PISD: variants seen among roughly 807,000 people sequenced by gnomAD.
PISD encodes phosphatidylserine decarboxylase.
A neutral mutation model predicts 43.5 loss-of-function variants in PISD; 31 were observed. The ratio of observed to expected loss-of-function variants is 0.71; its 90% CI spans 0.54 to 0.96. The LOEUF (loss-of-function observed/expected upper bound fraction) is 0.96. Among genes scored for constraint, PISD ranks in the 40% least tolerant of loss-of-function variants. PISD has a pLI of 0.00. For synonymous variants in PISD, 259 were observed against 228.7 expected (o/e 1.13, Z -1.20); for missense variants, 523 against 548.4 (o/e 0.95, Z 0.46).
upstream of PISD, chr22:31,662,233 C>T: frequency 6.3e-7 from 1 of 1,599,272 alleles, no homozygotes; most frequent in Non-Finnish European, 8.5e-7. Context: ...CTCAGCGTGC[C>T]ACGCCCCCTT....
chr22:31,621,219 G>T (rs1276485849), intron 5 of PISD, 77 bp from the exon 6 acceptor site: 3 of 1,610,400 alleles, frequency 1.9e-6, no homozygotes, highest in Non-Finnish European at 2.5e-6. Flanking sequence ...GTCTGCACAT[G>T]GATTCTCAGG....
chr22:31,630,214 A>G lies in PISD; in HGVS notation c.322-8329T>C, dbSNP rs545842044. 5.6e-4 allele frequency among the ~76,000 whole-genome samples: 85 copies of G among 152,122 alleles called. No homozygotes were observed. Among genetic ancestry groups the G allele is most frequent in the Admixed American group, 2.1e-3 (32 of 15,282 alleles). ...AGGCCCTGGGAAGAGGGCAGGCAGG[A>G]CTCGCAGGGGTCTATCCTAGCCGCC... On this transcript the variant is annotated intron_variant, in intron 3 of 7. Coordinates refer to ENST00000439502, the MANE Select transcript of PISD (RefSeq NM_001326411.2). This position sits in a 1 kb window ranked among gnomAD's most constrained non-coding sequence, Gnocchi z 4.4.
At chr22:31,634,601 G>A (rs62237850) in intron 3 of PISD, among the ~76,000 whole-genome samples, 13,782 of 152,174 alleles carry the variant, frequency 0.091, 650 homozygotes, top group Non-Finnish European at 0.1. Flanking sequence ...ACTTTGGGAG[G>A]TCAAGGTGGG....
At chr22:31,658,775 C>T (rs2074245710) in intron 1 of PISD, among the ~76,000 whole-genome samples, 1 of 151,962 alleles carries the variant, frequency 6.6e-6, no homozygotes, top group African/African-American at 2.4e-5. Flanking sequence ...TCAAGCAATT[C>T]TCCTGCCTCA....
In PISD at chr22:31,619,351, G is replaced by A; in HGVS notation, c.*261C>T. 1 of 540,998 alleles carries A rather than the reference G, an allele frequency of 1.8e-6. No homozygotes were observed. The highest frequency in any genetic ancestry group is 3.4e-6 in the Non-Finnish European group (1 of 290,550). 33.5% of individuals were successfully genotyped at this position (540,998 alleles called of 1,614,324 possible). A position where few individuals can be genotyped will look rare whatever the true frequency, so the allele number is the denominator to read the frequency against. On this transcript the variant is annotated 3_prime_UTR_variant, in exon 8 of 8. Coordinates refer to ENST00000439502, the MANE Select transcript of PISD (RefSeq NM_001326411.2). The stretch of plus-strand genomic sequence containing the variant: ...ACAGTGTTTAAAAAGATCCAAATGT[G>A]ACTGAGATCATTCCAGCCTGCACTT...
intron 3 of PISD, among the ~76,000 whole-genome samples, chr22:31,637,799 C>T (rs533894610): frequency 5.9e-4 from 90 of 152,328 alleles, no homozygotes; most frequent in African/African-American, 2.0e-3. Flanking sequence ...TCCCCTCACC[C>T]GGCACTGGCT....
intron 3 of PISD, among the ~76,000 whole-genome samples, chr22:31,643,844 C>T (rs756274496): frequency 1.4e-4 from 21 of 152,074 alleles, no homozygotes; most frequent in Non-Finnish European, 2.5e-4. Flanking sequence ...GTCAGGAGAT[C>T]GAGACTATCC....
chr22:31,661,800 C>T (rs965826144), intron 1 of PISD, among the ~76,000 whole-genome samples: 1 of 152,158 alleles, frequency 6.6e-6, no homozygotes, highest in African/African-American at 2.4e-5. Context: ...GACATCATTC[C>T]TTCTACGAAA....
chr22:31,637,127 ATAATAAT>A lies in PISD; in HGVS notation c.321+10967_321+10973del, dbSNP rs1569486963. ...ACACGGCAAAACTCTACAAAAAAAA[ATAATAAT>A]AAATAAATTAAAAAAAAAAAAAAAA... On this transcript the variant is annotated intron_variant, in intron 3 of 7. Coordinates refer to ENST00000439502, the MANE Select transcript of PISD (RefSeq NM_001326411.2). 8.2e-4 allele frequency among the ~76,000 whole-genome samples: 91 copies of A among 110,704 alleles called. 1 individual carries two copies. The highest frequency in any genetic ancestry group is 2.9e-3 in the African/African-American group (84 of 28,736). The allele number at this position is 110,704 out of a possible 152,430, so 72.6% of individuals were successfully genotyped here. A position where few individuals can be genotyped will look rare whatever the true frequency, so the allele number is the denominator to read the frequency against.
rs1011938114 is a variant in PISD at position 31,630,227 on chromosome 22, T to A, written c.322-8342A>T. Among the ~76,000 whole-genome samples the A allele has an allele frequency of 1.3e-5, 2 of 152,002 alleles. No homozygotes were observed. The highest frequency in any genetic ancestry group is 4.8e-5 in the African/African-American group (2 of 41,392). On this transcript the variant is annotated intron_variant, in intron 3 of 7. Transcript: ENST00000439502. This position sits in a 1 kb window ranked among gnomAD's most constrained non-coding sequence, Gnocchi z 4.4. ...AGGGCAGGCAGGACTCGCAGGGGTC[T>A]ATCCTAGCCGCCCAAAGACAGGGAA...
rs1349403373 is a variant in PISD, at chr22:31,628,822, G to A, written c.322-6937C>T. On this transcript the variant is annotated intron_variant, in intron 3 of 7. Coordinates refer to ENST00000439502, the MANE Select transcript of PISD (RefSeq NM_001326411.2). The stretch of plus-strand genomic sequence containing the variant: ...CCCCACTTCCACCTAGGAGCGCGAC[G>A]CAGCCTCAGACCTGGCTTCCAACAC... 24 of 985,224 alleles carry A rather than the reference G, an allele frequency of 2.4e-5. No homozygotes were observed. In the Admixed American group the frequency reaches 2.5e-4, roughly 10 times the overall value. The allele number at this position is 985,224 out of a possible 1,614,324, so 61.0% of individuals were successfully genotyped here.
chr22:31,636,850 G>A (rs903242544), intron 3 of PISD, among the ~76,000 whole-genome samples: 3 of 150,886 alleles, frequency 2.0e-5, no homozygotes, highest in Middle Eastern at 6.8e-3. Context: ...CCTAATTTTT[G>A]TATTTTTAGT....
Position 31,630,852 on chromosome 22 carries a change from G to A in PISD, c.322-8967C>T, listed in dbSNP as rs966265094. 2.0e-6 allele frequency: 2 copies of A among 985,494 alleles called. No individual in the cohort carries two copies. The highest frequency in any genetic ancestry group is 2.4e-6 in the Non-Finnish European group (2 of 829,960). 61.0% of individuals were successfully genotyped at this position (985,494 alleles called of 1,614,324 possible). On this transcript the variant is annotated intron_variant, in intron 3 of 7. Coordinates refer to ENST00000439502, the MANE Select transcript of PISD (RefSeq NM_001326411.2). This position sits in a 1 kb window ranked among gnomAD's most constrained non-coding sequence, Gnocchi z 4.4. ...GCTCCGACTCCCTAGGGGCGCTCCC[G>A]GAGCCGGGAAGCCTTGGGGCGAGTG...
intron 3 of PISD, among the ~76,000 whole-genome samples, chr22:31,627,341 A>G (rs2072963700): frequency 6.6e-6 from 1 of 152,240 alleles, no homozygotes; most frequent in African/African-American, 2.4e-5. Flanking sequence ...GGAGATTGGC[A>G]CAGGCACAAG....
chr22:31,644,053 A>C (rs12168918), intron 3 of PISD, among the ~76,000 whole-genome samples: 19,636 of 151,348 alleles, frequency 0.13, 1,258 homozygotes, highest in South Asian at 0.2. Flanking sequence ...GTCTCAAAAA[A>C]AAAAACAAAA....
chr22:31,619,559 C>A lies in PISD; in HGVS notation c.*53G>T. 18 of 1,484,422 alleles carry A rather than the reference C, an allele frequency of 1.2e-5. No homozygotes were observed. The South Asian group carries it at 2.1e-4, about 17-fold the overall frequency. The allele number at this position is 1,484,422 out of a possible 1,614,324, so 92.0% of individuals were successfully genotyped here. ...CTCATGGGCCTCCCTCTTGAAAAGACCCTCACTCTGTTTGGAAAAGATCCC... is the reference window on the plus strand; with the variant it reads ...CTCATGGGCCTCCCTCTTGAAAAGAACCTCACTCTGTTTGGAAAAGATCCC... On this transcript the variant is annotated 3_prime_UTR_variant, in exon 8 of 8. Transcript: ENST00000439502.
intron 7 of PISD, 72 bp downstream of exon 7, chr22:31,620,480 CG>C: frequency 6.8e-7 from 1 of 1,479,288 alleles, no homozygotes. Flanking sequence ...ACGCATCCGC[CG>C]CACAGCAGAC....
At position 31,630,378 on chromosome 22, in the gene PISD, G is replaced by C. The variant is rs1034693702; in HGVS notation, c.322-8493C>G. 1 of 152,222 alleles carries C rather than the reference G, an allele frequency of 6.6e-6. No homozygotes were observed. Among genetic ancestry groups the C allele is most frequent in the South Asian group, 2.1e-4 (1 of 4,832 alleles). 9.4% of individuals were successfully genotyped at this position (152,222 alleles called of 1,614,324 possible). On this transcript the variant is annotated intron_variant, in intron 3 of 7. Transcript: ENST00000439502. This position sits in a 1 kb window ranked among gnomAD's most constrained non-coding sequence, Gnocchi z 4.4. The stretch of plus-strand genomic sequence containing the variant: ...CAGGCGGCCTGCCCCCAGGCCCTCC[G>C]GCAGCACCAAGGAGACGGAGCTCTC...
intron 3 of PISD, chr22:31,625,558 C>T (rs1394521129): frequency 4.7e-6 from 3 of 635,750 alleles, no homozygotes; most frequent in Non-Finnish European, 8.2e-6. Flanking sequence ...CTGGGCCCTC[C>T]TCATGGTTGG....
Sources: allele counts gnomAD v4.1 joint callset (sites outside exome capture counted in the v4.1 genomes callset), GRCh38; gene constraint gnomAD v4.1.1; non-coding constraint Gnocchi (gnomAD v3.1); transcripts MANE v1.5; gene names NCBI Gene and HGNC (gene_info 2026-07-23, HGNC 2026-07-21).